TRAPPC9: variants seen among roughly 807,000 people sequenced by gnomAD.
TRAPPC9 encodes trafficking protein particle complex subunit 9.
Under a neutral mutation model 124.0 loss-of-function variants are expected in TRAPPC9, and 83 were observed. The ratio of observed to expected loss-of-function variants is 0.67; its 90% CI spans 0.56 to 0.80. TRAPPC9 has a LOEUF of 0.80. Ranked by LOEUF, TRAPPC9 falls within the 30% of genes least tolerant of loss-of-function variation. The pLI, the probability that TRAPPC9 is intolerant of heterozygous loss-of-function variation, is 0.00. For missense variants in TRAPPC9, 1,302 were observed against 1,508.3 expected (o/e 0.86, Z 2.27); for synonymous variants, 638 against 617.5 (o/e 1.03, Z -0.49).
At chr8:139,910,102 G>C (rs764591194) in intron 20 of TRAPPC9, 45 bp downstream of exon 20, 1 of 1,612,266 alleles carries the variant, frequency 6.2e-7, no homozygotes, top group South Asian at 1.1e-5. Flanking sequence ...TTGGAACCCT[G>C]GGCAAAGGTG....
chr8:140,294,330 C>T (rs1229964779), intron 11 of TRAPPC9, among the ~76,000 whole-genome samples: 3 of 152,220 alleles, frequency 2.0e-5, no homozygotes, highest in Non-Finnish European at 2.9e-5. Flanking sequence ...CCCGCCTGAC[C>T]CCGCCTCACC....
At chr8:140,161,551 T>C (rs984204269) in intron 17 of TRAPPC9, among the ~76,000 whole-genome samples, 33 of 152,328 alleles carry the variant, frequency 2.2e-4, no homozygotes, top group African/African-American at 7.9e-4. Context: ...CTGTATATGA[T>C]ACTTTTGATA....
intron 9 of TRAPPC9, among the ~76,000 whole-genome samples, chr8:140,358,066 C>T (rs961481237): frequency 9.2e-5 from 14 of 152,078 alleles, no homozygotes; most frequent in East Asian, 1.9e-4. Context: ...CAGGGGTTCA[C>T]GAAAGGAGAA....
chr8:140,034,967 C>G (rs939787667), intron 17 of TRAPPC9, among the ~76,000 whole-genome samples: 4 of 152,252 alleles, frequency 2.6e-5, no homozygotes, highest in African/African-American at 9.6e-5. Flanking sequence ...GCCAGTTTCA[C>G]AGCTGCCGCG....
At chr8:139,737,562 C>T (rs1229647651) in intron 21 of TRAPPC9, among the ~76,000 whole-genome samples, 2 of 149,600 alleles carry the variant, frequency 1.3e-5, no homozygotes, top group Non-Finnish European at 3.0e-5. Context: ...CGTCGGGCTT[C>T]CTGCCACCCT....
chr8:140,226,621 A>G (rs1377341897), intron 16 of TRAPPC9, among the ~76,000 whole-genome samples: 1 of 151,436 alleles, frequency 6.6e-6, no homozygotes, highest in African/African-American at 2.4e-5. Context: ...GAAAAAGAAA[A>G]AGGAAAAAAA....
In TRAPPC9 at chr8:140,159,672, G is replaced by A. The variant is rs2061711691; in HGVS notation, c.2556+61787C>T. On this transcript the variant is annotated intron_variant, in intron 17 of 22. Transcript: ENST00000438773. ...ATCCAAAGAAAATCGAGCATTACAT[G>A]TAAAAGAGGAGCAAAAAAAACCCAA... is the stretch of plus-strand genomic sequence containing the variant. Among the ~76,000 whole-genome samples, 3 of 152,286 alleles carry A rather than the reference G, an allele frequency of 2.0e-5. No homozygotes were observed. The South Asian group carries it at 6.2e-4, about 32-fold the overall frequency.
intron 7 of TRAPPC9, among the ~76,000 whole-genome samples, chr8:140,379,472 T>A (rs1280877552): frequency 6.6e-6 from 1 of 152,234 alleles, no homozygotes; most frequent in African/African-American, 2.4e-5. Context: ...AAGGTCCTAT[T>A]CTGCCATCTG....
In TRAPPC9 at chr8:139,736,881, G is replaced by A. The variant is rs139608326; in HGVS notation, c.3056-4679C>T. ...AGAGGAAATGGGCTCATTTCTGCAG[G>A]GCCCCACTCTCCACAGCCACCCTGC... On this transcript the variant is annotated intron_variant, in intron 21 of 22. Coordinates refer to ENST00000438773, the MANE Select transcript of TRAPPC9 (RefSeq NM_001160372.4). Among the ~76,000 whole-genome samples the A allele has an allele frequency of 5.5e-3, 839 of 152,214 alleles. 4 individuals are homozygous for A. The highest frequency in any genetic ancestry group is 0.01 in the Middle Eastern group (3 of 294).
At chr8:140,458,452 G>C, upstream of TRAPPC9, 1 of 1,573,266 alleles carries the variant, frequency 6.4e-7, no homozygotes, top group Admixed American at 1.9e-5. Flanking sequence ...GGCGCGCGCG[G>C]CCTGGGAGCG....
chr8:139,880,697 C>T (rs184584140), intron 21 of TRAPPC9, among the ~76,000 whole-genome samples: 3 of 152,324 alleles, frequency 2.0e-5, no homozygotes, highest in Admixed American at 2.0e-4. Flanking sequence ...AGCAGTAACT[C>T]TTAACTAGAA....
chr8:139,891,428 G>T (rs886978165), intron 20 of TRAPPC9, among the ~76,000 whole-genome samples: 1 of 152,226 alleles, frequency 6.6e-6, no homozygotes, highest in African/African-American at 2.4e-5. Flanking sequence ...CTACAGTCTT[G>T]CTGGGTGAGG....
At chr8:140,421,215 G>T (rs73356488) in intron 5 of TRAPPC9, among the ~76,000 whole-genome samples, 4,479 of 152,260 alleles carry the variant, frequency 0.029, 211 homozygotes, top group African/African-American at 0.095. Context: ...AGCTGCCAAA[G>T]CCTCTGAAAG....
At chr8:140,272,863 C>T (rs1295497018) in intron 15 of TRAPPC9, among the ~76,000 whole-genome samples, 1 of 149,714 alleles carries the variant, frequency 6.7e-6, no homozygotes, top group Non-Finnish European at 1.5e-5. Flanking sequence ...GACCCAAAAC[C>T]CCCCACCAGA....
At chr8:140,184,139 G>A (rs1176213073) in intron 17 of TRAPPC9, among the ~76,000 whole-genome samples, 1 of 152,122 alleles carries the variant, frequency 6.6e-6, no homozygotes, top group East Asian at 1.9e-4. Flanking sequence ...CAGGACAGCA[G>A]TGAACCTGCA....
chr8:139,879,681 G>A (rs916726222), intron 21 of TRAPPC9, among the ~76,000 whole-genome samples: 2 of 152,196 alleles, frequency 1.3e-5, no homozygotes, highest in African/African-American at 4.8e-5. Context: ...TCCTACACCA[G>A]GCACCTCCTC....
intron 9 of TRAPPC9, among the ~76,000 whole-genome samples, chr8:140,326,959 A>T (rs1052580573): frequency 6.6e-6 from 1 of 152,110 alleles, no homozygotes; most frequent in African/African-American, 2.4e-5. Context: ...GATGCAAAAA[A>T]CAATCATCCA....
chr8:140,192,478 C>A (rs902489010), intron 17 of TRAPPC9, among the ~76,000 whole-genome samples: 1 of 152,198 alleles, frequency 6.6e-6, no homozygotes, highest in Non-Finnish European at 1.5e-5. Context: ...TGGCACAGTG[C>A]CTGGGGCGTG....
At chr8:140,263,528 A>C (rs976704104) in intron 15 of TRAPPC9, among the ~76,000 whole-genome samples, 6 of 152,160 alleles carry the variant, frequency 3.9e-5, no homozygotes, top group Non-Finnish European at 7.3e-5. Context: ...ACATTTTTAT[A>C]AGGTGACAAT....
Sources: allele counts gnomAD v4.1 joint callset (sites outside exome capture counted in the v4.1 genomes callset), GRCh38; gene constraint gnomAD v4.1.1; transcripts MANE v1.5; gene names NCBI Gene and HGNC (gene_info 2026-07-23, HGNC 2026-07-21).